Variants in TAFA1 observed in about 807,000 individuals in gnomAD.
TAFA1 encodes chemokine-like protein TAFA-1.
A neutral mutation model predicts 18.5 loss-of-function variants in TAFA1; 4 were observed. The observed-to-expected ratio is 0.22, with a 90% CI of 0.11 to 0.49. The LOEUF is 0.49. TAFA1 is among the 20% of genes least tolerant of loss of function. TAFA1 has a pLI of 0.98. For missense variants in TAFA1, 147 were observed against 169.0 expected (o/e 0.87, Z 0.72); for synonymous variants, 56 against 55.2 (o/e 1.01, Z -0.06).
intron 3 of TAFA1, among the ~76,000 whole-genome samples, chr3:68,515,145 C>T (rs2072902181): frequency 6.6e-6 from 1 of 152,046 alleles, no homozygotes; most frequent in Admixed American, 6.6e-5. Flanking sequence ...TGTGCACTTC[C>T]CAGTATGGTA....
chr3:68,512,626 C>G (rs1342346941), intron 3 of TAFA1, among the ~76,000 whole-genome samples: 1 of 151,844 alleles, frequency 6.6e-6, no homozygotes, highest in African/African-American at 2.4e-5. Flanking sequence ...GGTTTTATTC[C>G]TTCATTTTAT....
chr3:68,076,474 C>A (rs1274304013), intron 2 of TAFA1, among the ~76,000 whole-genome samples: 10 of 134,994 alleles, frequency 7.4e-5, no homozygotes, highest in Non-Finnish European at 1.6e-4. Flanking sequence ...CACCCCCCAC[C>A]AGTCCCCAGA....
chr3:68,386,317 A>G (rs1403729417), intron 2 of TAFA1, among the ~76,000 whole-genome samples: 2 of 152,148 alleles, frequency 1.3e-5, no homozygotes, highest in African/African-American at 2.4e-5. Flanking sequence ...ACAGTTCACA[A>G]TCGTAATCAT....
At chr3:68,526,757 G>A (rs766835158) in intron 3 of TAFA1, among the ~76,000 whole-genome samples, 22 of 151,926 alleles carry the variant, frequency 1.4e-4, no homozygotes, top group Non-Finnish European at 3.1e-4. Flanking sequence ...ATACCAAAGT[G>A]TAAAAGAATG....
intron 2 of TAFA1, among the ~76,000 whole-genome samples, chr3:68,166,259 C>A (rs2065981178): frequency 6.6e-6 from 1 of 152,152 alleles, no homozygotes; most frequent in African/African-American, 2.4e-5. Flanking sequence ...CGTAGTGGGC[C>A]TTAAACCCAT....
At chr3:68,282,502 G>A (rs778573795) in intron 2 of TAFA1, among the ~76,000 whole-genome samples, 2 of 152,096 alleles carry the variant, frequency 1.3e-5, no homozygotes, top group Admixed American at 6.6e-5. Context: ...GAGCTTTCAA[G>A]GTTCCCCAGG....
intron 2 of TAFA1, among the ~76,000 whole-genome samples, chr3:68,353,495 G>A (rs1251482278): frequency 6.6e-6 from 1 of 152,056 alleles, no homozygotes; most frequent in Non-Finnish European, 1.5e-5. Flanking sequence ...AGTTTTTGAT[G>A]CTTTAATGGA....
At chr3:68,529,753 C>T (rs1413182626) in intron 3 of TAFA1, among the ~76,000 whole-genome samples, 1 of 152,154 alleles carries the variant, frequency 6.6e-6, no homozygotes, top group South Asian at 2.1e-4. Flanking sequence ...AACCAGCTCT[C>T]GTGGGAACTA....
intron 2 of TAFA1, among the ~76,000 whole-genome samples, chr3:68,053,478 A>G (rs2064497206): frequency 6.6e-6 from 1 of 152,120 alleles, no homozygotes; most frequent in Non-Finnish European, 1.5e-5. Flanking sequence ...TCTACCTACT[A>G]GATACTCTCT....
chr3:68,167,763 T>C (rs1032451189), intron 2 of TAFA1, among the ~76,000 whole-genome samples: 2 of 152,010 alleles, frequency 1.3e-5, no homozygotes, highest in Non-Finnish European at 2.9e-5. Flanking sequence ...CAGGTTGAAA[T>C]AGTTTAATAA....
Position 68,406,661 on chromosome 3 carries a change from C to A in TAFA1, c.119-10619C>A, listed in dbSNP as rs562199048. 6.6e-5 allele frequency among the ~76,000 whole-genome samples: 10 copies of A among 152,218 alleles called. No individual in the cohort carries two copies. In the South Asian group the frequency reaches 2.1e-3, roughly 32 times the overall value. On this transcript the variant is annotated intron_variant, in intron 2 of 4. Coordinates refer to ENST00000478136, the MANE Select transcript of TAFA1 (RefSeq NM_213609.4). ...TACATCAAGCAAGCAAATTTGAGGA[C>A]AGAGAATAGAAAAGTGGAGATATAT... is the stretch of plus-strand genomic sequence containing the variant.
chr3:68,507,210 T>C (rs139628359), intron 3 of TAFA1, among the ~76,000 whole-genome samples: 1 of 152,164 alleles, frequency 6.6e-6, no homozygotes, highest in East Asian at 1.9e-4. Flanking sequence ...GCCAGTTAGC[T>C]TATTTTACCA....
chr3:68,452,248 C>T (rs1182295639), intron 3 of TAFA1, among the ~76,000 whole-genome samples: 3 of 152,006 alleles, frequency 2.0e-5, no homozygotes, highest in African/African-American at 4.8e-5. Flanking sequence ...GTCGGCTGGG[C>T]GCCGTGGCTC....
At chr3:68,145,667 A>G in intron 2 of TAFA1, 1 of 957,812 alleles carries the variant, frequency 1.0e-6, no homozygotes, top group South Asian at 1.3e-5. Context: ...CATCTTCAGA[A>G]TCCTGTATAC....
At chr3:68,032,248 A>T (rs1704950877) in intron 2 of TAFA1, among the ~76,000 whole-genome samples, 1 of 152,212 alleles carries the variant, frequency 6.6e-6, no homozygotes, top group Non-Finnish European at 1.5e-5. Flanking sequence ...CATTTTCTCT[A>T]GATGAGCAAG....
At chr3:68,535,140 T>A (rs1349075608) in intron 3 of TAFA1, among the ~76,000 whole-genome samples, 1 of 152,170 alleles carries the variant, frequency 6.6e-6, no homozygotes, top group Non-Finnish European at 1.5e-5. Context: ...GATTAAGTGC[T>A]TGCCCAAAGG....
intron 3 of TAFA1, among the ~76,000 whole-genome samples, chr3:68,532,147 C>G (rs1252499728): frequency 6.6e-6 from 1 of 152,036 alleles, no homozygotes; most frequent in Non-Finnish European, 1.5e-5. Flanking sequence ...CATGGGAGTC[C>G]CACAAATGTG....
intron 2 of TAFA1, among the ~76,000 whole-genome samples, chr3:68,117,265 A>G (rs2065335548): frequency 6.6e-6 from 1 of 152,192 alleles, no homozygotes; most frequent in African/African-American, 2.4e-5. Flanking sequence ...ATATGGGAAG[A>G]TATGAATCAA....
intron 2 of TAFA1, among the ~76,000 whole-genome samples, chr3:68,222,208 A>T (rs759870770): frequency 6.6e-6 from 1 of 152,150 alleles, no homozygotes; most frequent in Non-Finnish European, 1.5e-5. Context: ...CAGTTGATGT[A>T]GTTTGTCTTG....
Sources: allele counts gnomAD v4.1 joint callset (sites outside exome capture counted in the v4.1 genomes callset), GRCh38; gene constraint gnomAD v4.1.1; transcripts MANE v1.5; gene names NCBI Gene and HGNC (gene_info 2026-07-23, HGNC 2026-07-21).